CADPS2: variants seen among roughly 807,000 people sequenced by gnomAD.
CADPS2 encodes the protein calcium dependent secretion activator 2.
CADPS2 carries 93 observed loss-of-function variants against 172.5 expected under a neutral mutation model. The observed-to-expected ratio is 0.54, with a 90% CI of 0.46 to 0.64. The LOEUF (loss-of-function observed/expected upper bound fraction) is 0.64, where lower values mean the gene tolerates loss of function less well. CADPS2 is among the 30% of genes least tolerant of loss of function. The probability of loss-of-function intolerance (pLI) is 0.00; values close to 1 mark genes in which losing one functional copy is unlikely to be tolerated. For synonymous variants in CADPS2, 546 were observed against 555.2 expected (o/e 0.98, Z 0.23); for missense variants, 1,420 against 1,565.9 (o/e 0.91, Z 1.57).
intron 14 of CADPS2, among the ~76,000 whole-genome samples, chr7:122,465,203 G>C (rs2054978995): frequency 6.6e-6 from 1 of 152,086 alleles, no homozygotes; most frequent in Non-Finnish European, 1.5e-5. Flanking sequence ...AAAACAACTT[G>C]AATAACTTAA....
At chr7:122,659,842 T>C (rs2080318380) in intron 3 of CADPS2, among the ~76,000 whole-genome samples, 1 of 151,670 alleles carries the variant, frequency 6.6e-6, no homozygotes, top group Non-Finnish European at 1.5e-5. Context: ...AAAAAGACAG[T>C]GTGGTGAAAT....
chr7:122,372,787 T>G (rs997802953), intron 25 of CADPS2, among the ~76,000 whole-genome samples: 4 of 152,164 alleles, frequency 2.6e-5, no homozygotes, highest in African/African-American at 9.7e-5. Flanking sequence ...ATATTTTAAT[T>G]TTTATGGGCT....
intron 3 of CADPS2, among the ~76,000 whole-genome samples, chr7:122,647,202 C>CT (rs2078659374): frequency 6.8e-6 from 1 of 147,232 alleles, no homozygotes; most frequent in Non-Finnish European, 1.5e-5. Flanking sequence ...TGAACTTGTT[C>CT]TTTTTTACTA....
chr7:122,435,374 C>T (rs1236773480), intron 17 of CADPS2, among the ~76,000 whole-genome samples: 1 of 152,044 alleles, frequency 6.6e-6, no homozygotes, highest in East Asian at 1.9e-4. Context: ...AAAAGACATA[C>T]AAATAAATGG....
At chr7:122,355,116 G>A (rs1385075275) in intron 27 of CADPS2, among the ~76,000 whole-genome samples, 2 of 152,134 alleles carry the variant, frequency 1.3e-5, no homozygotes, top group African/African-American at 4.8e-5. Context: ...ATATTTAAAT[G>A]GTTTGATTTG....
chr7:122,811,022 C>T (rs536257517), intron 1 of CADPS2, among the ~76,000 whole-genome samples: 1 of 152,094 alleles, frequency 6.6e-6, no homozygotes, highest in East Asian at 1.9e-4. Context: ...AAGCAAGATC[C>T]CTTTGGTAAA....
chr7:122,758,118 T>G (rs2093239756), intron 1 of CADPS2, among the ~76,000 whole-genome samples: 1 of 152,202 alleles, frequency 6.6e-6, no homozygotes, highest in South Asian at 2.1e-4. Context: ...CCTTATAATT[T>G]TTAGATACTA....
intron 9 of CADPS2, among the ~76,000 whole-genome samples, chr7:122,497,921 G>A (rs917734793): frequency 6.6e-6 from 1 of 152,098 alleles, no homozygotes; most frequent in South Asian, 2.1e-4. Flanking sequence ...ACATCCATGT[G>A]GAAAAGACTT....
chr7:122,792,552 C>T (rs2139713636), intron 1 of CADPS2, among the ~76,000 whole-genome samples: 1 of 152,196 alleles, frequency 6.6e-6, no homozygotes, highest in African/African-American at 2.4e-5. Context: ...CTTGTTGTTG[C>T]AGCTTGAACA....
At chr7:122,482,275 G>A (rs1441700472) in intron 11 of CADPS2, among the ~76,000 whole-genome samples, 2 of 152,042 alleles carry the variant, frequency 1.3e-5, no homozygotes, top group African/African-American at 2.4e-5. Flanking sequence ...CTCACCAACC[G>A]CAACCCTACC....
intron 1 of CADPS2, among the ~76,000 whole-genome samples, chr7:122,866,760 G>A (rs1190726906): frequency 6.6e-6 from 1 of 152,188 alleles, no homozygotes; most frequent in African/African-American, 2.4e-5. Flanking sequence ...TCTATTCTCA[G>A]ATCAGACAAA....
At chr7:122,847,740 T>C (rs959909778) in intron 1 of CADPS2, among the ~76,000 whole-genome samples, 4 of 152,242 alleles carry the variant, frequency 2.6e-5, no homozygotes, top group Non-Finnish European at 5.9e-5. Flanking sequence ...CAAACCCACA[T>C]AGTCTTACTG....
chr7:122,508,557 T>C (rs1001653009), intron 9 of CADPS2, among the ~76,000 whole-genome samples: 1 of 143,146 alleles, frequency 7.0e-6, no homozygotes, highest in Non-Finnish European at 1.5e-5. Context: ...CTTGAACTCC[T>C]GGCCTCAAGT....
At chr7:122,457,531 G>A (rs568999348) in intron 14 of CADPS2, among the ~76,000 whole-genome samples, 187 of 152,190 alleles carry the variant, frequency 1.2e-3, no homozygotes, top group African/African-American at 3.9e-3. Flanking sequence ...TGCAAATTAC[G>A]CAACCCTTTT....
At chr7:122,707,944 C>G (rs1022871389) in intron 2 of CADPS2, among the ~76,000 whole-genome samples, 1 of 151,352 alleles carries the variant, frequency 6.6e-6, no homozygotes, top group Non-Finnish European at 1.5e-5. Flanking sequence ...ATTCTTATTT[C>G]TATATATATA....
At chr7:122,614,210 T>C (rs1326518245) in intron 6 of CADPS2, among the ~76,000 whole-genome samples, 2 of 151,950 alleles carry the variant, frequency 1.3e-5, no homozygotes, top group African/African-American at 4.8e-5. Context: ...CATGAGAGAT[T>C]GGTCAAGGGC....
intron 3 of CADPS2, among the ~76,000 whole-genome samples, chr7:122,641,561 A>T (rs1258795703): frequency 6.6e-6 from 1 of 152,194 alleles, no homozygotes; most frequent in Non-Finnish European, 1.5e-5. Context: ...AAGAACCATG[A>T]ATCTTCTGTA....
intron 27 of CADPS2, among the ~76,000 whole-genome samples, chr7:122,359,917 A>G (rs7785641): frequency 0.27 from 40,345 of 152,104 alleles, 5,880 homozygotes; most frequent in African/African-American, 0.37. Flanking sequence ...TCCTAAAAAT[A>G]AGAGCTATCT....
chr7:122,458,687 T>A (rs2054091422), intron 14 of CADPS2, among the ~76,000 whole-genome samples: 1 of 152,174 alleles, frequency 6.6e-6, no homozygotes, highest in Non-Finnish European at 1.5e-5. Context: ...TATAAAGATC[T>A]AAGATCATAT....
Sources: gnomAD v4.1 joint callset for allele counts (sites outside exome capture counted in the v4.1 genomes callset) on GRCh38, gnomAD v4.1.1 for gene constraint, MANE v1.5 for transcripts, NCBI Gene and HGNC (gene_info 2026-07-23, HGNC 2026-07-21) for gene names.